PDGFC: variants seen among roughly 807,000 people sequenced by gnomAD.
PDGFC encodes the protein platelet derived growth factor C.
Under a neutral mutation model 35.5 loss-of-function variants are expected in PDGFC, and 12 were observed. That is an observed-to-expected ratio of 0.34 (90% CI 0.22 to 0.55). PDGFC has a LOEUF of 0.55. PDGFC is among the 20% of genes least tolerant of loss of function. The pLI is 0.91. For synonymous variants in PDGFC, 159 were observed against 148.8 expected (o/e 1.07, Z -0.50); for missense variants, 322 against 412.4 (o/e 0.78, Z 1.90).
At chr4:156,796,710 T>A (rs1194956509) in intron 3 of PDGFC, among the ~76,000 whole-genome samples, 1 of 152,050 alleles carries the variant, frequency 6.6e-6, no homozygotes, top group East Asian at 1.9e-4. Context: ...GGTGATGATT[T>A]AGCATAGAGT....
intron 3 of PDGFC, chr4:156,778,955 A>C (rs1730908404): frequency 6.9e-6 from 2 of 288,040 alleles, no homozygotes; most frequent in African/African-American, 4.4e-5. Flanking sequence ...GTTAAAAATA[A>C]AACAATATTA....
intron 1 of PDGFC, among the ~76,000 whole-genome samples, chr4:156,928,531 A>C (rs541292659): frequency 2.4e-4 from 36 of 152,264 alleles, no homozygotes; most frequent in African/African-American, 7.9e-4. Flanking sequence ...TGAACAGTAA[A>C]ATACCCGGGT....
chr4:156,805,636 G>A (rs1043810001), intron 3 of PDGFC, among the ~76,000 whole-genome samples: 1 of 151,872 alleles, frequency 6.6e-6, no homozygotes, highest in African/African-American at 2.4e-5. Flanking sequence ...TTGAAGCCTT[G>A]TTTGAGAGTT....
chr4:156,881,760 G>T (rs1730248180), intron 1 of PDGFC, among the ~76,000 whole-genome samples: 1 of 150,574 alleles, frequency 6.6e-6, no homozygotes. Context: ...AACCCAGGAG[G>T]CAGAGGTTAC....
intron 2 of PDGFC, among the ~76,000 whole-genome samples, chr4:156,831,237 T>C (rs1449272051): frequency 2.6e-5 from 4 of 152,130 alleles, no homozygotes; most frequent in Non-Finnish European, 4.4e-5. Context: ...AATATCCCCA[T>C]ATAACCAATA....
At chr4:156,930,949 G>C (rs1731536646) in intron 1 of PDGFC, among the ~76,000 whole-genome samples, 1 of 152,176 alleles carries the variant, frequency 6.6e-6, no homozygotes, top group African/African-American at 2.4e-5. Context: ...AGCCTCACCT[G>C]CTTTCCCTTA....
intron 2 of PDGFC, among the ~76,000 whole-genome samples, chr4:156,812,739 T>C (rs1731972071): frequency 6.6e-6 from 1 of 152,076 alleles, no homozygotes; most frequent in East Asian, 1.9e-4. Context: ...AAACTGGGAA[T>C]AATGCTACCT....
intron 1 of PDGFC, among the ~76,000 whole-genome samples, chr4:156,901,853 C>T (rs183546123): frequency 1.3e-5 from 2 of 152,060 alleles, no homozygotes; most frequent in Non-Finnish European, 2.9e-5. Context: ...CTCAAGTGAT[C>T]TGCCCGCCTC....
At chr4:156,834,495 C>T (rs1232072344) in intron 2 of PDGFC, among the ~76,000 whole-genome samples, 1 of 152,082 alleles carries the variant, frequency 6.6e-6, no homozygotes, top group Non-Finnish European at 1.5e-5. Flanking sequence ...ATATCATGAA[C>T]TAGCTTGCTT....
chr4:156,889,314 T>C (rs1222614718), intron 1 of PDGFC, among the ~76,000 whole-genome samples: 1 of 152,224 alleles, frequency 6.6e-6, no homozygotes, highest in African/African-American at 2.4e-5. Flanking sequence ...ACCAACTTAA[T>C]TCATATCACA....
At chr4:156,766,413 T>C (rs1398247632) in intron 5 of PDGFC, among the ~76,000 whole-genome samples, 11 of 152,154 alleles carry the variant, frequency 7.2e-5, no homozygotes, top group Admixed American at 6.6e-5. Flanking sequence ...AAGAATCTTA[T>C]TAATAACATT....
At position 156,971,460 on chromosome 4, in the gene PDGFC, C is replaced by G. The variant is rs1423107958; in HGVS notation, c.-557G>C. 2 of 227,318 alleles carry G rather than the reference C, an allele frequency of 8.8e-6. No homozygotes were observed. The highest frequency in any genetic ancestry group is 1.7e-5 in the Non-Finnish European group (2 of 118,710). 14.1% of individuals were successfully genotyped at this position (227,318 alleles called of 1,614,324 possible). ...GGGGGAAGAAACAAGGCGAGGGCGC[C>G]GCGGCGGGTCCCACGGGCCGGGGCG... is the stretch of plus-strand genomic sequence containing the variant. On this transcript the variant is annotated 5_prime_UTR_variant, in exon 1 of 6. Transcript: ENST00000502773.
At chr4:156,944,147 C>A (rs1027014861) in intron 1 of PDGFC, among the ~76,000 whole-genome samples, 1 of 152,100 alleles carries the variant, frequency 6.6e-6, no homozygotes, top group African/African-American at 2.4e-5. Flanking sequence ...TTGCTGAAAA[C>A]CACATGACCT....
At chr4:156,945,248 C>T (rs538362464) in intron 1 of PDGFC, among the ~76,000 whole-genome samples, 2 of 149,478 alleles carry the variant, frequency 1.3e-5, no homozygotes, top group African/African-American at 4.9e-5. Flanking sequence ...GTCATAAATG[C>T]TAACTAAATA....
intron 3 of PDGFC, among the ~76,000 whole-genome samples, chr4:156,779,423 G>C (rs1730919312): frequency 6.6e-6 from 1 of 152,074 alleles, no homozygotes; most frequent in Admixed American, 6.6e-5. Context: ...AAATTGAGGG[G>C]TTCTTATTCA....
At chr4:156,794,236 C>T (rs1219694831) in intron 3 of PDGFC, among the ~76,000 whole-genome samples, 1 of 152,132 alleles carries the variant, frequency 6.6e-6, no homozygotes, top group Non-Finnish European at 1.5e-5. Flanking sequence ...CTTACACATT[C>T]AACCATCTTT....
chr4:156,809,536 G>A (rs1731872105), intron 3 of PDGFC, among the ~76,000 whole-genome samples: 1 of 151,966 alleles, frequency 6.6e-6, no homozygotes, highest in Non-Finnish European at 1.5e-5. Flanking sequence ...TATTTATTGA[G>A]AGACTATTAT....
chr4:156,822,215 C>T (rs897345583), intron 2 of PDGFC, among the ~76,000 whole-genome samples: 7 of 151,688 alleles, frequency 4.6e-5, no homozygotes, highest in Admixed American at 1.3e-4. Context: ...AAAAATTAGC[C>T]GGGCGTGGTG....
intron 2 of PDGFC, among the ~76,000 whole-genome samples, chr4:156,841,588 C>A (rs921534266): frequency 6.6e-6 from 1 of 151,372 alleles, no homozygotes; most frequent in Non-Finnish European, 1.5e-5. Context: ...CTCACTGCAA[C>A]CTCCACCTCC....
Sources: allele counts gnomAD v4.1 joint callset (sites outside exome capture counted in the v4.1 genomes callset), GRCh38; gene constraint gnomAD v4.1.1; transcripts MANE v1.5; gene names NCBI Gene and HGNC (gene_info 2026-07-23, HGNC 2026-07-21).